MME: variants seen among roughly 807,000 people sequenced by gnomAD.
MME encodes neprilysin.
In MME, 98 loss-of-function variants were observed where a neutral mutation model predicts 113.2. The ratio of observed to expected loss-of-function variants is 0.87; its 90% CI spans 0.74 to 1.02. The LOEUF is 1.02. MME is among the 50% of genes least tolerant of loss of function. The probability of loss-of-function intolerance (pLI) is 0.00; values close to 1 mark genes in which losing one functional copy is unlikely to be tolerated. For missense variants in MME, 836 were observed against 896.0 expected (o/e 0.93, Z 0.86); for synonymous variants, 292 against 300.6 (o/e 0.97, Z 0.30).
intron 2 of MME, 133 bp downstream of exon 2, chr3:155,084,460 A>C (rs1284385026): frequency 1.1e-6 from 1 of 881,492 alleles, no homozygotes; most frequent in South Asian, 1.5e-5. Flanking sequence ...TTCATTTATA[A>C]AATGTAACAT....
chr3:155,115,944 T>C (rs1234545567), intron 4 of MME, among the ~76,000 whole-genome samples: 1 of 152,154 alleles, frequency 6.6e-6, no homozygotes, highest in Non-Finnish European at 1.5e-5. Flanking sequence ...TTGTTCTCTG[T>C]TCTCCCCTCT....
At chr3:155,151,086 G>T (rs1220997833) in intron 16 of MME, among the ~76,000 whole-genome samples, 2 of 152,006 alleles carry the variant, frequency 1.3e-5, no homozygotes, top group Non-Finnish European at 2.9e-5. Flanking sequence ...AAAAAAAAAT[G>T]TAATAAAGTC....
intron 1 of MME, among the ~76,000 whole-genome samples, chr3:155,042,940 G>A (rs192577144): frequency 0.33 from 16,938 of 51,742 alleles, 3,060 homozygotes; most frequent in Non-Finnish European, 0.37. Flanking sequence ...ATATATATAT[G>A]TATATATATA....
At chr3:155,164,236 A>G (rs1370110064) in intron 17 of MME, among the ~76,000 whole-genome samples, 1 of 152,142 alleles carries the variant, frequency 6.6e-6, no homozygotes, top group Non-Finnish European at 1.5e-5. Flanking sequence ...TCTAAAATTG[A>G]ATTGCTAGCA....
chr3:155,138,329 C>A, intron 9 of MME, 93 bp downstream of exon 9: 1 of 1,321,016 alleles, frequency 7.6e-7, no homozygotes, highest in Non-Finnish European at 1.1e-6. Flanking sequence ...AAAGGTACAG[C>A]ACTTTAACCA....
chr3:155,087,977 A>G (rs6773791), intron 3 of MME, among the ~76,000 whole-genome samples: 2,091 of 152,330 alleles, frequency 0.014, 42 homozygotes, highest in African/African-American at 0.047. Flanking sequence ...AACCAAATGT[A>G]AAACACCTTG....
chr3:155,090,291 G>C (rs1261511580), intron 3 of MME: 1 of 152,414 alleles, frequency 6.6e-6, no homozygotes, highest in African/African-American at 2.4e-5. Context: ...GTGGCATTCT[G>C]TTACTTGAAA....
intron 1 of MME, among the ~76,000 whole-genome samples, chr3:155,048,106 T>C (rs1165798945): frequency 6.6e-6 from 1 of 152,200 alleles, no homozygotes; most frequent in Admixed American, 6.5e-5. Context: ...TTGAAACCTC[T>C]GTTATGTGCT....
At chr3:155,065,892 G>A (rs1714367405) in intron 1 of MME, among the ~76,000 whole-genome samples, 2 of 152,194 alleles carry the variant, frequency 1.3e-5, no homozygotes, top group South Asian at 4.1e-4. Context: ...ATACACTGAT[G>A]TTCCAAATTG....
chr3:155,155,073 T>C (rs1182599180), intron 16 of MME, among the ~76,000 whole-genome samples: 1 of 152,178 alleles, frequency 6.6e-6, no homozygotes, highest in East Asian at 1.9e-4. Flanking sequence ...CAGATTTTCA[T>C]TGTGTTTTGG....
At chr3:155,033,161 G>A (rs1162351092) in intron 1 of MME, among the ~76,000 whole-genome samples, 3 of 152,164 alleles carry the variant, frequency 2.0e-5, no homozygotes, top group African/African-American at 7.2e-5. Context: ...TTAAAGAAGA[G>A]AGTTAAGCTA....
chr3:155,115,199 T>C (rs1718499597), intron 4 of MME, 44 bp downstream of exon 4: 9 of 1,601,196 alleles, frequency 5.6e-6, no homozygotes, highest in South Asian at 1.1e-5. Context: ...TCTCTCTTAA[T>C]ATGTTCATTT....
chr3:155,063,032 C>CAAAAA (rs772216166), intron 1 of MME, among the ~76,000 whole-genome samples: 1 of 61,808 alleles, frequency 1.6e-5, no homozygotes, highest in Admixed American at 1.9e-4. Context: ...GACTCCATCT[C>CAAAAA]AAAAAAAAAA....
intron 16 of MME, among the ~76,000 whole-genome samples, chr3:155,155,052 C>A (rs1722217105): frequency 6.6e-6 from 1 of 152,160 alleles, no homozygotes; most frequent in South Asian, 2.1e-4. Context: ...ATTAAGCCAA[C>A]AGAGTCTTTG....
At chr3:155,024,824 A>C (rs1483031671) in intron 1 of MME, among the ~76,000 whole-genome samples, 1 of 152,220 alleles carries the variant, frequency 6.6e-6, no homozygotes, top group Non-Finnish European at 1.5e-5. Flanking sequence ...TGAATGCAGA[A>C]AATGTCTACA....
rs570445233 is a variant in MME at position 155,147,311 on chromosome 3, A to G, written c.1497+87A>G. ...TTAGCTATGGGGTGCCTGAAATTAT[A>G]TGAAGTAGCCTGAAACCACAGGTTG... On this transcript the variant is annotated intron_variant, in intron 15 of 22. Coordinates refer to ENST00000360490, the MANE Select transcript of MME (RefSeq NM_007289.4). 90 of 830,542 alleles carry G rather than the reference A, an allele frequency of 1.1e-4. 1 individual carries two copies. In the African/African-American group the frequency reaches 1.4e-3, roughly 13 times the overall value. The allele number at this position is 830,542 out of a possible 1,614,324, so 51.4% of individuals were successfully genotyped here.
chr3:155,140,760 G>A (rs1721015278), intron 10 of MME, among the ~76,000 whole-genome samples: 1 of 152,086 alleles, frequency 6.6e-6, no homozygotes, highest in Non-Finnish European at 1.5e-5. Context: ...CCCATAGGAA[G>A]GGGTTTGAAA....
At position 155,053,661 on chromosome 3, in the gene MME, G is replaced by A. The variant is rs564698794; in HGVS notation, c.-11+29337G>A. On this transcript the variant is annotated intron_variant, in intron 1 of 22. Coordinates refer to the MME transcript ENST00000492661. The stretch of plus-strand genomic sequence containing the variant: ...ATCACACTACCAGCCTGGACTGAAA[G>A]GGGCAGAGAGAAGACAAAATGAAGG... Among the ~76,000 whole-genome samples the A allele has an allele frequency of 4.6e-5, 7 of 152,296 alleles. No homozygotes were observed. The South Asian group carries it at 1.2e-3, about 27-fold the overall frequency.
upstream of MME, chr3:155,079,591 C>T (rs1165927023): frequency 6.8e-6 from 1 of 146,192 alleles, no homozygotes; most frequent in African/African-American, 2.5e-5. Context: ...GGGAACTGCT[C>T]CTCTCTCTGG....
Sources: gnomAD v4.1 joint callset for allele counts (sites outside exome capture counted in the v4.1 genomes callset) on GRCh38, gnomAD v4.1.1 for gene constraint, MANE v1.5 for transcripts, NCBI Gene and HGNC (gene_info 2026-07-23, HGNC 2026-07-21) for gene names.